Variants in NRXN1 observed in about 807,000 individuals in gnomAD.
NRXN1 encodes neurexin-1.
A neutral mutation model predicts 150.9 loss-of-function variants in NRXN1; 39 were observed. That is an observed-to-expected ratio of 0.26 (90% CI 0.20 to 0.34). The LOEUF is 0.34. Ranked by LOEUF, NRXN1 falls within the 10% of genes least tolerant of loss-of-function variation. The probability of loss-of-function intolerance (pLI) is 1.00; values close to 1 mark genes in which losing one functional copy is unlikely to be tolerated. For missense variants in NRXN1, 1,815 were observed against 1,949.9 expected (o/e 0.93, Z 1.30); for synonymous variants, 924 against 757.0 (o/e 1.22, Z -3.62).
At chr2:50,298,516 TA>T (rs1301529255) in intron 17 of NRXN1, among the ~76,000 whole-genome samples, 1 of 94,772 alleles carries the variant, frequency 1.1e-5, no homozygotes, top group Non-Finnish European at 2.1e-5. Flanking sequence ...AGTACATCTG[TA>T]AATTTACAGA....
At chr2:51,014,667 T>A (rs4971721) in intron 2 of NRXN1, among the ~76,000 whole-genome samples, 1 of 151,812 alleles carries the variant, frequency 6.6e-6, no homozygotes, top group African/African-American at 2.4e-5. Flanking sequence ...GGCCTCAGGA[T>A]TTACGCAGCT....
At chr2:50,705,285 T>C (rs941314403) in intron 5 of NRXN1, among the ~76,000 whole-genome samples, 1 of 152,186 alleles carries the variant, frequency 6.6e-6, no homozygotes, top group Non-Finnish European at 1.5e-5. Flanking sequence ...TTGGTCCATA[T>C]TTTATCAATT....
intron 18 of NRXN1, among the ~76,000 whole-genome samples, chr2:50,127,868 G>C (rs1704844888): frequency 6.6e-6 from 1 of 152,186 alleles, no homozygotes; most frequent in African/African-American, 2.4e-5. Context: ...TCAGGGAAGA[G>C]AAGAACAGTT....
At position 50,952,543 on chromosome 2, in the gene NRXN1, G is replaced by A. The variant is rs143523706; in HGVS notation, c.773-26588C>T. ...CATGGTAGGCACAGCTGTAGGTGTTGGAGATATAGAGGTAAACAAGTCTGA... is the reference window on the plus strand; with the variant it reads ...CATGGTAGGCACAGCTGTAGGTGTTAGAGATATAGAGGTAAACAAGTCTGA... On this transcript the variant is annotated intron_variant, in intron 2 of 22. Coordinates refer to ENST00000401669, the MANE Select transcript of NRXN1 (RefSeq NM_001330078.2). Among the ~76,000 whole-genome samples, 1,480 of 152,252 alleles carry A rather than the reference G, an allele frequency of 9.7e-3. 11 individuals carry two copies. Among genetic ancestry groups the A allele is most frequent in the Non-Finnish European group, 0.015 (1,047 of 68,026 alleles).
Position 50,280,476 on chromosome 2 carries a change from T to G in NRXN1, c.3365-43506A>C, listed in dbSNP as rs536390120. ...CATGTGGCATGGATCCTGATGAACC[T>G]CAGTCTTTGGAGTTTAACAGGCTGG... On this transcript the variant is annotated intron_variant, in intron 17 of 22. Coordinates refer to ENST00000401669, the MANE Select transcript of NRXN1 (RefSeq NM_001330078.2). 6.6e-5 allele frequency among the ~76,000 whole-genome samples: 10 copies of G among 152,190 alleles called. No homozygotes were observed. In the South Asian group the frequency reaches 2.1e-3, roughly 32 times the overall value.
At chr2:50,958,733 T>C (rs1256412710) in intron 2 of NRXN1, among the ~76,000 whole-genome samples, 1 of 152,076 alleles carries the variant, frequency 6.6e-6, no homozygotes, top group Non-Finnish European at 1.5e-5. Context: ...AAGACAATTC[T>C]GAATGGAAGC....
chr2:50,275,987 C>CAAAA (rs34672241), intron 17 of NRXN1, among the ~76,000 whole-genome samples: 39 of 127,924 alleles, frequency 3.0e-4, no homozygotes, highest in African/African-American at 1.1e-3. Context: ...TCCTACCTTG[C>CAAAA]AAAAAAAAAA....
At chr2:50,708,294 T>C (rs1233381161) in intron 5 of NRXN1, among the ~76,000 whole-genome samples, 1 of 152,338 alleles carries the variant, frequency 6.6e-6, no homozygotes, top group Non-Finnish European at 1.5e-5. Context: ...TCAATACTTA[T>C]AAAATTATCA....
intron 21 of NRXN1, among the ~76,000 whole-genome samples, chr2:50,041,220 T>A (rs758511043): frequency 7.2e-5 from 11 of 152,198 alleles, no homozygotes; most frequent in Non-Finnish European, 1.3e-4. Flanking sequence ...CCAATTAGTG[T>A]TATCCCAACA....
chr2:50,899,601 T>C (rs1321680925), intron 5 of NRXN1, among the ~76,000 whole-genome samples: 1 of 152,158 alleles, frequency 6.6e-6, no homozygotes, highest in African/African-American at 2.4e-5. Flanking sequence ...GGGGGTAGAT[T>C]ATGTCAAAGC....
intron 17 of NRXN1, among the ~76,000 whole-genome samples, chr2:50,373,295 T>TATTAC (rs34185803): frequency 8.2e-6 from 1 of 122,614 alleles, no homozygotes; most frequent in Non-Finnish European, 1.8e-5. Context: ...ATTTTATTTT[T>TATTAC]TATTATTATT....
intron 17 of NRXN1, among the ~76,000 whole-genome samples, chr2:50,385,918 T>C (rs1183735273): frequency 6.6e-6 from 1 of 151,968 alleles, no homozygotes; most frequent in Non-Finnish European, 1.5e-5. Context: ...AATAAAACTT[T>C]CTTAAAATAT....
chr2:50,190,670 T>C (rs1342764030), intron 18 of NRXN1, among the ~76,000 whole-genome samples: 2 of 148,218 alleles, frequency 1.3e-5, no homozygotes, highest in African/African-American at 4.9e-5. Context: ...TGGAGTGCAA[T>C]GGCGTGATCT....
chr2:50,693,658 G>A (rs1172097807), intron 5 of NRXN1, among the ~76,000 whole-genome samples: 3 of 152,050 alleles, frequency 2.0e-5, no homozygotes, highest in Non-Finnish European at 4.4e-5. Context: ...AAAATATGAA[G>A]GGAAAATAAA....
chr2:50,057,769 C>T (rs989873200), intron 19 of NRXN1, among the ~76,000 whole-genome samples: 3 of 152,168 alleles, frequency 2.0e-5, no homozygotes, highest in Non-Finnish European at 4.4e-5. Context: ...AAAGCAAATA[C>T]TAGTGTCCAG....
chr2:50,315,112 A>G (rs2075489901), intron 17 of NRXN1, among the ~76,000 whole-genome samples: 1 of 151,998 alleles, frequency 6.6e-6, no homozygotes, highest in Admixed American at 6.6e-5. Flanking sequence ...AGCCATAACG[A>G]CCACAATAAA....
intron 2 of NRXN1, among the ~76,000 whole-genome samples, chr2:50,936,061 T>C (rs1688500959): frequency 6.6e-6 from 1 of 152,118 alleles, no homozygotes; most frequent in Admixed American, 6.6e-5. Context: ...ATACCTCAAT[T>C]TCCTAATGAA....
chr2:50,550,323 C>T (rs766357229), intron 9 of NRXN1, among the ~76,000 whole-genome samples: 36 of 151,916 alleles, frequency 2.4e-4, no homozygotes, highest in Non-Finnish European at 3.5e-4. Flanking sequence ...AACTCTTGGG[C>T]TCAAGTGATC....
intron 5 of NRXN1, among the ~76,000 whole-genome samples, chr2:50,797,676 G>A (rs765172525): frequency 5.3e-5 from 8 of 152,180 alleles, no homozygotes; most frequent in Admixed American, 2.0e-4. Flanking sequence ...TTATTCCAGC[G>A]CAATCTCTGG....
Sources: allele counts gnomAD v4.1 joint callset (sites outside exome capture counted in the v4.1 genomes callset), GRCh38; gene constraint gnomAD v4.1.1; transcripts MANE v1.5; gene names NCBI Gene and HGNC (gene_info 2026-07-23, HGNC 2026-07-21).